PLCG2: variants seen among roughly 807,000 people sequenced by gnomAD.
The protein encoded by PLCG2 is 1-phosphatidylinositol 4,5-bisphosphate phosphodiesterase gamma-2.
Under a neutral mutation model 175.6 loss-of-function variants are expected in PLCG2, and 69 were observed. The observed-to-expected ratio is 0.39, with a 90% confidence interval of 0.32 to 0.48. The LOEUF (loss-of-function observed/expected upper bound fraction) is 0.48. Ranked by LOEUF, PLCG2 falls within the 20% of genes least tolerant of loss-of-function variation. The pLI is 0.91. For missense variants in PLCG2, 1,798 were observed against 1,650.9 expected, an observed-to-expected ratio of 1.09 and a Z score of -1.54; for synonymous variants, 827 against 624.0, an observed-to-expected ratio of 1.33 and a Z score of -4.85.
chr16:81,810,450 T>G (rs1464686054), intron 2 of PLCG2, among the ~76,000 whole-genome samples: 1 of 152,224 alleles, frequency 6.6e-6, no homozygotes, highest in Non-Finnish European at 1.5e-5. Context: ...ATTTGCAACC[T>G]GCAAACCAGT....
At chr16:81,914,603 G>T (rs543484070) in intron 19 of PLCG2, among the ~76,000 whole-genome samples, 1 of 152,166 alleles carries the variant, frequency 6.6e-6, no homozygotes, top group Non-Finnish European at 1.5e-5. Flanking sequence ...TAGATGTTTG[G>T]TGAGCACCTA....
chr16:81,928,349 C>T (rs1259508474), intron 23 of PLCG2, among the ~76,000 whole-genome samples: 3 of 152,070 alleles, frequency 2.0e-5, no homozygotes, highest in Admixed American at 1.3e-4. Flanking sequence ...AATGAAACTC[C>T]GAACCTCCTG....
rs1908979846 is a variant in PLCG2, at chr16:81,898,142, ACAGT to A, written c.1193+2218_1193+2221del. On this transcript the variant is annotated intron_variant, in intron 13 of 32. Transcript: ENST00000564138. ...CATAGGTGCTTATGGTTGTGAGCTG[ACAGT>A]CATTCATCGAACATTATCTCATTCA... The A allele has an allele frequency of 6.4e-5, 14 of 219,458 alleles. No individual in the cohort carries two copies. The South Asian group carries it at 7.5e-4, about 12-fold the overall frequency. 13.6% of individuals were successfully genotyped at this position (219,458 alleles called of 1,614,324 possible). A position where few individuals can be genotyped will look rare whatever the true frequency, so the allele number is the denominator to read the frequency against.
At chr16:81,881,543 G>A (rs1461685386) in intron 8 of PLCG2, among the ~76,000 whole-genome samples, 4 of 152,322 alleles carry the variant, frequency 2.6e-5, no homozygotes, top group East Asian at 3.9e-4. Flanking sequence ...ATGGTCTGGG[G>A]TACGTTGATC....
intron 6 of PLCG2, among the ~76,000 whole-genome samples, chr16:81,870,186 C>T (rs1057232233): frequency 3.9e-5 from 6 of 152,168 alleles, no homozygotes; most frequent in African/African-American, 1.4e-4. Context: ...CCATTGATTG[C>T]TACACAGTTG....
rs186991268 is a variant in PLCG2 at position 81,813,363 on chromosome 16, G to T, written c.193+27181G>T. ...TTATTTCCTTGAGCAGTTGTTTGTAGTTCTCTTTGAAGAGGTCCTTCACAT... is the reference window on the plus strand; with the variant it reads ...TTATTTCCTTGAGCAGTTGTTTGTATTTCTCTTTGAAGAGGTCCTTCACAT... On this transcript the variant is annotated intron_variant, in intron 2 of 32. Coordinates refer to ENST00000564138, the MANE Select transcript of PLCG2 (RefSeq NM_002661.5). Among the ~76,000 whole-genome samples, 599 of 152,180 alleles carry T rather than the reference G, an allele frequency of 3.9e-3. 4 individuals carry two copies. The highest frequency in any genetic ancestry group is 3.6e-3 in the Non-Finnish European group (245 of 68,000).
intron 2 of PLCG2, among the ~76,000 whole-genome samples, chr16:81,840,849 G>C (rs375840800): frequency 4.6e-5 from 7 of 152,190 alleles, no homozygotes; most frequent in Admixed American, 6.5e-5. Context: ...TGGTCCCTTG[G>C]GGGTGGATCC....
chr16:81,772,715 G>A (rs1328820725), intron 2 of PLCG2, among the ~76,000 whole-genome samples: 1 of 151,642 alleles, frequency 6.6e-6, no homozygotes, highest in Admixed American at 6.6e-5. Flanking sequence ...CTACTCGGGA[G>A]GCTGAGGCAG....
chr16:81,914,399 G>A lies in PLCG2; in HGVS notation c.2054+1683G>A, dbSNP rs759042245. Among the ~76,000 whole-genome samples the A allele has an allele frequency of 2.6e-4, 39 of 152,318 alleles. 1 individual carries two copies. Among genetic ancestry groups the A allele is most frequent in the South Asian group, 8.3e-4 (4 of 4,824 alleles). On this transcript the variant is annotated intron_variant, in intron 19 of 32. Transcript: ENST00000564138. ...AAGGATGGCCCCCTCCCTGAGCCAGGTGGCATGATTCTGACAGGCCATCTG... is the reference window on the plus strand; with the variant it reads ...AAGGATGGCCCCCTCCCTGAGCCAGATGGCATGATTCTGACAGGCCATCTG...
intron 1 of PLCG2, among the ~76,000 whole-genome samples, chr16:81,755,343 T>C (rs1909899552): frequency 6.7e-6 from 1 of 150,308 alleles, no homozygotes; most frequent in Non-Finnish European, 1.5e-5. Flanking sequence ...GCTACAGGCA[T>C]GCACCACCAT....
intron 2 of PLCG2, 86 bp from the exon 3 acceptor site, chr16:81,854,358 G>A (rs1213374336): frequency 8.0e-7 from 1 of 1,243,798 alleles, no homozygotes; most frequent in Non-Finnish European, 1.2e-6. Flanking sequence ...AAGGAGCCAG[G>A]CTGTGCCTGG....
chr16:81,926,985 C>A, intron 22 of PLCG2, 97 bp from the exon 23 acceptor site: 1 of 773,844 alleles, frequency 1.3e-6, no homozygotes, highest in Non-Finnish European at 2.3e-6. Flanking sequence ...CTGTCTGTCC[C>A]CATCAGAATT....
chr16:81,928,694 T>C, intron 24 of PLCG2, 70 bp downstream of exon 24: 2 of 1,016,748 alleles, frequency 2.0e-6, no homozygotes, highest in South Asian at 1.3e-5. Flanking sequence ...AGCCCCGCCC[T>C]ACACAGGGAG....
intron 10 of PLCG2, 88 bp from the exon 11 acceptor site, chr16:81,891,384 T>C: frequency 2.5e-6 from 2 of 793,160 alleles, no homozygotes; most frequent in Non-Finnish European, 4.6e-6. Context: ...GAGCTGTTCT[T>C]CCCCCCTGGT....
chr16:81,746,126 C>T (rs1186879945), intron 1 of PLCG2, among the ~76,000 whole-genome samples: 1 of 152,142 alleles, frequency 6.6e-6, no homozygotes, highest in Non-Finnish European at 1.5e-5. Flanking sequence ...CTCTATTAAC[C>T]CCAAAGTCAG....
intron 2 of PLCG2, among the ~76,000 whole-genome samples, chr16:81,787,698 A>G (rs895428254): frequency 3.9e-5 from 6 of 152,032 alleles, no homozygotes; most frequent in Admixed American, 3.9e-4. Context: ...TCACCTCAAG[A>G]TGAAACCCCA....
chr16:81,896,073 C>T (rs1567521325), intron 13 of PLCG2, 146 bp downstream of exon 13: 2 of 1,021,850 alleles, frequency 2.0e-6, no homozygotes, highest in South Asian at 1.4e-5. Flanking sequence ...AAGCCACTGC[C>T]ATCAAGTTCT....
At chr16:81,806,302 A>G (rs528536394) in intron 2 of PLCG2, among the ~76,000 whole-genome samples, 82 of 152,098 alleles carry the variant, frequency 5.4e-4, no homozygotes, top group Non-Finnish European at 9.3e-4. Context: ...TCCATGTGGC[A>G]GGTACTATGA....
chr16:81,875,213 C>T (rs1256161373), intron 7 of PLCG2, among the ~76,000 whole-genome samples: 1 of 152,078 alleles, frequency 6.6e-6, no homozygotes, highest in East Asian at 1.9e-4. Flanking sequence ...ATCCTCCCGC[C>T]TTGGCCTCCC....
Sources: gnomAD v4.1 joint callset for allele counts (sites outside exome capture counted in the v4.1 genomes callset) on GRCh38, gnomAD v4.1.1 for gene constraint, MANE v1.5 for transcripts, NCBI Gene and HGNC (gene_info 2026-07-23, HGNC 2026-07-21) for gene names.